The following SOX6 variants were observed in gnomAD, a reference collection of about 807,000 sequenced individuals.
SOX6 encodes the protein transcription factor SOX-6.
SOX6 carries 11 observed loss-of-function variants against 97.8 expected under a neutral mutation model. The ratio of observed to expected loss-of-function variants is 0.11; its 90% CI spans 0.07 to 0.19. The LOEUF is 0.19. SOX6 is among the 10% of genes least tolerant of loss of function. The pLI is 1.00. For synonymous variants in SOX6, 360 were observed against 371.4 expected (o/e 0.97, Z 0.35); for missense variants, 810 against 1,039.5 (o/e 0.78, Z 3.04).
intron 4 of SOX6, among the ~76,000 whole-genome samples, chr11:16,597,330 A>ATG (rs35921173): frequency 1.3e-5 from 2 of 150,468 alleles, no homozygotes; most frequent in Non-Finnish European, 3.0e-5. Context: ...ATGTATGTAT[A>ATG]TGTGTGTGTG....
At chr11:16,655,044 T>C (rs1392547688) in intron 3 of SOX6, among the ~76,000 whole-genome samples, 1 of 151,992 alleles carries the variant, frequency 6.6e-6, no homozygotes, top group Non-Finnish European at 1.5e-5. Flanking sequence ...AGAGCAGAGG[T>C]GGTCGGAGAA....
chr11:16,024,255 C>A (rs571671810), intron 12 of SOX6, among the ~76,000 whole-genome samples: 1 of 152,170 alleles, frequency 6.6e-6, no homozygotes, highest in South Asian at 2.1e-4. Context: ...GACTTCCAGG[C>A]AGTACTGTGA....
intron 6 of SOX6, among the ~76,000 whole-genome samples, chr11:16,181,905 T>TA (rs1319640626): frequency 2.0e-5 from 3 of 151,790 alleles, no homozygotes; most frequent in African/African-American, 7.2e-5. Context: ...TAGCTTAAAT[T>TA]AAAAAATTAA....
chr11:16,417,771 T>C (rs1858952710), intron 1 of SOX6, among the ~76,000 whole-genome samples: 1 of 152,208 alleles, frequency 6.6e-6, no homozygotes. Context: ...TATGCAGATA[T>C]TGGTGCAAAA....
At chr11:16,225,865 C>T (rs1289020908) in intron 4 of SOX6, among the ~76,000 whole-genome samples, 1 of 152,130 alleles carries the variant, frequency 6.6e-6, no homozygotes, top group Non-Finnish European at 1.5e-5. Flanking sequence ...AATAAATTTG[C>T]ATTTTAATTC....
intron 2 of SOX6, among the ~76,000 whole-genome samples, chr11:16,719,458 C>A (rs1465217912): frequency 6.6e-6 from 1 of 152,134 alleles, no homozygotes; most frequent in African/African-American, 2.4e-5. Flanking sequence ...GAAAGAAAAC[C>A]CAGTTATCAG....
intron 3 of SOX6, among the ~76,000 whole-genome samples, chr11:16,244,801 C>A (rs949843959): frequency 7.3e-5 from 11 of 151,054 alleles, no homozygotes; most frequent in East Asian, 1.9e-4. Context: ...TTTCTTAATT[C>A]TTTTCTGTTC....
At chr11:16,401,802 T>C (rs1858566636) in intron 1 of SOX6, among the ~76,000 whole-genome samples, 1 of 151,370 alleles carries the variant, frequency 6.6e-6, no homozygotes, top group Non-Finnish European at 1.5e-5. Flanking sequence ...GACCAAGGAT[T>C]AAAAGAGAAT....
chr11:16,263,384 T>G (rs150625468), intron 3 of SOX6, among the ~76,000 whole-genome samples: 1 of 152,066 alleles, frequency 6.6e-6, no homozygotes, highest in African/African-American at 2.4e-5. Context: ...ATGCAGCTTA[T>G]TATAGCTTCA....
chr11:16,438,486 T>C (rs1338812662), intron 1 of SOX6, among the ~76,000 whole-genome samples: 2 of 152,318 alleles, frequency 1.3e-5, no homozygotes, highest in East Asian at 1.9e-4. Flanking sequence ...ACTAGGTATA[T>C]GCAGAATTGG....
chr11:16,262,208 C>T lies in SOX6; in HGVS notation c.446-27537G>A, dbSNP rs79855340. ...TGGCTCTATATGAGCATCAAATGTG[C>T]GAACATAACTTCTTACTACTAAATG... On this transcript the variant is annotated intron_variant, in intron 3 of 15. Coordinates refer to ENST00000683767, the MANE Select transcript of SOX6 (RefSeq NM_001367873.1). Among the ~76,000 whole-genome samples the T allele has an allele frequency of 3.9e-3, 587 of 152,050 alleles. 4 individuals carry two copies. Among genetic ancestry groups the T allele is most frequent in the Non-Finnish European group, 6.2e-3 (421 of 67,910 alleles).
intron 4 of SOX6, among the ~76,000 whole-genome samples, chr11:16,499,222 G>A (rs752152014): frequency 3.3e-5 from 5 of 152,076 alleles, no homozygotes; most frequent in South Asian, 2.1e-4. Flanking sequence ...GGTACATAAC[G>A]AAACGAAGGT....
At chr11:16,106,598 T>C (rs892092149) in intron 7 of SOX6, among the ~76,000 whole-genome samples, 9 of 151,904 alleles carry the variant, frequency 5.9e-5, no homozygotes, top group Admixed American at 2.6e-4. Flanking sequence ...TCAACTCAAA[T>C]GGATCAAAGA....
chr11:16,516,064 G>GT (rs985163076), intron 4 of SOX6, among the ~76,000 whole-genome samples: 1 of 151,004 alleles, frequency 6.6e-6, no homozygotes, highest in African/African-American at 2.4e-5. Flanking sequence ...CTTTAAAGTA[G>GT]TTTTTTCCAA....
chr11:16,236,524 C>T (rs898550607), intron 3 of SOX6, among the ~76,000 whole-genome samples: 1 of 151,616 alleles, frequency 6.6e-6, no homozygotes, highest in Non-Finnish European at 1.5e-5. Flanking sequence ...TTTTTTTTAG[C>T]CTTTCATATG....
intron 10 of SOX6, among the ~76,000 whole-genome samples, chr11:16,051,552 A>G (rs184386840): frequency 6.6e-6 from 1 of 152,270 alleles, no homozygotes; most frequent in African/African-American, 2.4e-5. Context: ...ACATGGTTAC[A>G]TCCATTATGA....
intron 7 of SOX6, among the ~76,000 whole-genome samples, chr11:16,103,671 A>C (rs1006794767): frequency 6.6e-6 from 1 of 151,948 alleles, no homozygotes; most frequent in Non-Finnish European, 1.5e-5. Context: ...ATATATATAT[A>C]CACCATGGAA....
In SOX6 at chr11:16,486,128, T is replaced by A. The variant is rs141102204; in HGVS notation, n.610-9740A>T. ...CCAAAAACTATTTACAGAATTACCA[T>A]GTGACTTAATCCATGGTACAGAATT... is the stretch of plus-strand genomic sequence containing the variant. On this transcript the variant is annotated intron_variant and non_coding_transcript_variant, in intron 4 of 5. Transcript: ENST00000524520. Among the ~76,000 whole-genome samples, 55 of 152,136 alleles carry A rather than the reference T, an allele frequency of 3.6e-4. 1 individual carries two copies. In the East Asian group the frequency reaches 0.01, roughly 28 times the overall value.
chr11:16,222,479 G>A (rs1224828780), intron 4 of SOX6, among the ~76,000 whole-genome samples: 1 of 152,104 alleles, frequency 6.6e-6, no homozygotes, highest in East Asian at 1.9e-4. Flanking sequence ...TTCCCAAAGT[G>A]CTGGGATTAC....
Sources: gnomAD v4.1 joint callset for allele counts (sites outside exome capture counted in the v4.1 genomes callset) on GRCh38, gnomAD v4.1.1 for gene constraint, MANE v1.5 for transcripts, NCBI Gene and HGNC (gene_info 2026-07-23, HGNC 2026-07-21) for gene names.